Variants in ARFGAP3 observed in about 807,000 individuals in gnomAD.
ARFGAP3 encodes ARF GTPase activating protein 3, also known as ADP-ribosylation factor GTPase-activating protein 3.
Under a neutral mutation model 75.0 loss-of-function variants are expected in ARFGAP3, and 72 were observed. The ratio of observed to expected loss-of-function variants is 0.96; its 90% confidence interval spans 0.79 to 1.17. The LOEUF is 1.17. Among genes scored for constraint, ARFGAP3 ranks in the 50% most tolerant of loss-of-function variants. The pLI is 0.00. For synonymous variants in ARFGAP3, 221 were observed against 217.9 expected, an observed-to-expected ratio of 1.01 and a Z score of -0.13; for missense variants, 620 against 626.6, an observed-to-expected ratio of 0.99 and a Z score of 0.11.
rs377718720 is a variant in ARFGAP3 at position 42,818,824 on chromosome 22, G to GT, written c.813-968dup. Among the ~76,000 whole-genome samples, 6 of 138,446 alleles carry GT rather than the reference G, an allele frequency of 4.3e-5. 1 individual carries two copies. Among genetic ancestry groups the GT allele is most frequent in the African/African-American group, 1.6e-4 (6 of 38,138 alleles). 90.8% of individuals were successfully genotyped at this position (138,446 alleles called of 152,430 possible). On this transcript the variant is annotated intron_variant, in intron 9 of 15. Transcript: ENST00000263245. The stretch of plus-strand genomic sequence containing the variant: ...GGGAAAGACAACAGAATTTCTTTCT[G>GT]TTTTTTGAAATGGAGTCTTGCTCTG...
intron 2 of ARFGAP3, among the ~76,000 whole-genome samples, chr22:42,846,357 G>A (rs1160033553): frequency 6.6e-6 from 1 of 152,206 alleles, no homozygotes; most frequent in Admixed American, 6.5e-5. Flanking sequence ...TCCAAGCCCT[G>A]GGGATCTTTC....
At chr22:42,826,744 C>A (rs1926055494) in intron 7 of ARFGAP3, among the ~76,000 whole-genome samples, 196 bp downstream of exon 7, 1 of 152,012 alleles carries the variant, frequency 6.6e-6, no homozygotes, top group South Asian at 2.1e-4. Context: ...AATGTAGCAT[C>A]TTTGTTGGAA....
At chr22:42,850,402 T>A (rs1927224195) in intron 1 of ARFGAP3, among the ~76,000 whole-genome samples, 1 of 151,408 alleles carries the variant, frequency 6.6e-6, no homozygotes, top group Non-Finnish European at 1.5e-5. Context: ...CGAAACCCTA[T>A]CTCTACCAAA....
At chr22:42,808,972 T>A (rs1364855169) in intron 12 of ARFGAP3, 82 bp from the exon 13 acceptor site, 13 of 1,345,282 alleles carry the variant, frequency 9.7e-6, no homozygotes, top group Middle Eastern at 4.2e-4. Flanking sequence ...TTTTTTAAAA[T>A]GCCAACAGCA....
At chr22:42,845,480 C>T (rs1365336931) in intron 2 of ARFGAP3, among the ~76,000 whole-genome samples, 18 of 147,116 alleles carry the variant, frequency 1.2e-4, no homozygotes, top group Non-Finnish European at 2.2e-4. Flanking sequence ...GAGCCAAGAT[C>T]GTGCCACTGC....
chr22:42,808,879 C>T lies in ARFGAP3; in HGVS notation c.1208G>A (p.Arg403His), dbSNP rs138028492. 32 of 1,608,684 alleles carry T rather than the reference C, an allele frequency of 2.0e-5. No individual in the cohort carries two copies. The highest frequency in any genetic ancestry group is 1.0e-4 in the Admixed American group (6 of 59,562). Residue 403 changes from arginine to histidine, a missense_variant, in exon 13 of 16, where the codon CGC becomes CAC. Arg to His is a conservative substitution (Grantham distance 29). Transcript: ENST00000263245. ...TTGYSDRPTA[R>H]RKPDYEPVEN... ...AACTGGCTCATAATCTGGCTTGCGG[C>T]GAGCAGTAGGTCTGCAATTAAAAAC...
At chr22:42,823,934 TATTTTTTTTTTTA>T (rs1569151634) in intron 7 of ARFGAP3, 1 of 192,544 alleles carries the variant, frequency 5.2e-6, no homozygotes, top group Non-Finnish European at 8.8e-6. Context: ...AGAGAAAATG[TATTTTTTTTTTTA>T]ACAGCACACT....
intron 14 of ARFGAP3, among the ~76,000 whole-genome samples, chr22:42,803,554 C>T (rs1327716742): frequency 6.6e-6 from 1 of 152,236 alleles, no homozygotes; most frequent in African/African-American, 2.4e-5. Context: ...GGCTCTCACA[C>T]AGCTGCCTCC....
intron 11 of ARFGAP3, among the ~76,000 whole-genome samples, chr22:42,816,866 C>T (rs1178926353): frequency 6.6e-6 from 1 of 152,164 alleles, no homozygotes; most frequent in Non-Finnish European, 1.5e-5. Context: ...CAGTTTTCTC[C>T]AATTTCATAA....
chr22:42,818,642 CACA>C (rs1401824527), intron 9 of ARFGAP3, among the ~76,000 whole-genome samples: 1 of 151,776 alleles, frequency 6.6e-6, no homozygotes, highest in Non-Finnish European at 1.5e-5. Context: ...AGTGAGACAG[CACA>C]ACATTTCAGG....
chr22:42,832,026 T>C (rs1379636327), intron 5 of ARFGAP3, among the ~76,000 whole-genome samples: 2 of 151,964 alleles, frequency 1.3e-5, no homozygotes, highest in African/African-American at 4.8e-5. Context: ...CAAGCTATCC[T>C]CCCACCTCGG....
At chr22:42,830,465 C>T (rs953604923) in intron 6 of ARFGAP3, among the ~76,000 whole-genome samples, 18 of 152,172 alleles carry the variant, frequency 1.2e-4, no homozygotes, top group African/African-American at 3.6e-4. Flanking sequence ...TTTCCTGTTA[C>T]GCTATGTTCC....
intron 2 of ARFGAP3, among the ~76,000 whole-genome samples, chr22:42,842,265 A>G (rs1012853012): frequency 1.3e-5 from 2 of 150,320 alleles, no homozygotes; most frequent in Admixed American, 6.7e-5. Context: ...TTGGCCTCCC[A>G]AAGTACTGTG....
In ARFGAP3 at chr22:42,823,714, TA is replaced by T. The variant is rs756874041; in HGVS notation, c.626-13del. On this transcript the variant is annotated splice_polypyrimidine_tract_variant and intron_variant, in intron 7 of 15. Coordinates refer to ENST00000263245, the MANE Select transcript of ARFGAP3 (RefSeq NM_014570.5). Reference sequence around the variant, plus strand: ...GATAGAGGATACCTCTGCCAAAAAATAAAAATTAAAAAGTAAGACCAATAGA... The same window carrying T: ...GATAGAGGATACCTCTGCCAAAAAATAAAATTAAAAAGTAAGACCAATAGA... 1 of 1,541,308 alleles carries T rather than the reference TA, an allele frequency of 6.5e-7. No homozygotes were observed. The highest frequency in any genetic ancestry group is 8.8e-7 in the Non-Finnish European group (1 of 1,141,598).
intron 13 of ARFGAP3, 181 bp from the exon 14 acceptor site, chr22:42,807,344 A>C: frequency 1.2e-6 from 1 of 839,124 alleles, no homozygotes; most frequent in Non-Finnish European, 1.4e-6. Context: ...CATGTTCTGC[A>C]TGGGAGGCAG....
chr22:42,811,019 G>C (rs1925347799), intron 11 of ARFGAP3, 75 bp from the exon 12 acceptor site: 13 of 1,558,442 alleles, frequency 8.3e-6, no homozygotes, highest in Admixed American at 2.0e-5. Context: ...CACTTCCACA[G>C]ATGTGGGGGA....
At position 42,847,646 on chromosome 22, in the gene ARFGAP3, T is replaced by C. The variant is rs369384516; in HGVS notation, c.70-14A>G. On this transcript the variant is annotated splice_polypyrimidine_tract_variant and intron_variant, in intron 1 of 15. Coordinates refer to ENST00000263245, the MANE Select transcript of ARFGAP3 (RefSeq NM_014570.5). ...ATCAAAACACACCTGAAAAAAAATG[T>C]TAAATTCAGTTACTAATTTATGTTA... 10 of 1,607,868 alleles carry C rather than the reference T, an allele frequency of 6.2e-6. No homozygotes were observed. The highest frequency in any genetic ancestry group is 5.5e-5 in the South Asian group (5 of 90,356).
At chr22:42,843,910 C>T (rs896878254) in intron 2 of ARFGAP3, among the ~76,000 whole-genome samples, 6 of 152,188 alleles carry the variant, frequency 3.9e-5, no homozygotes, top group Admixed American at 1.3e-4. Context: ...GCAGTTTGCC[C>T]TCTCCATATA....
chr22:42,801,347 G>A (rs1349258707), intron 14 of ARFGAP3, among the ~76,000 whole-genome samples: 1 of 152,180 alleles, frequency 6.6e-6, no homozygotes. Context: ...TCTGTGGTTG[G>A]GGCAAATGCC....
Sources: allele counts gnomAD v4.1 joint callset (sites outside exome capture counted in the v4.1 genomes callset), GRCh38; gene constraint gnomAD v4.1.1; transcripts MANE v1.5; gene names NCBI Gene and HGNC (gene_info 2026-07-23, HGNC 2026-07-21).